RABGAP1L: variants seen among roughly 807,000 people sequenced by gnomAD.
RABGAP1L encodes rab GTPase-activating protein 1-like.
Under a neutral mutation model 137.7 loss-of-function variants are expected in RABGAP1L, and 63 were observed. The observed-to-expected ratio is 0.46, with a 90% CI of 0.37 to 0.56. The LOEUF is 0.56. Ranked by LOEUF, RABGAP1L falls within the 20% of genes least tolerant of loss-of-function variation. The pLI, the probability that RABGAP1L is intolerant of heterozygous loss-of-function variation, is 0.00. For synonymous variants in RABGAP1L, 431 were observed against 433.7 expected, an observed-to-expected ratio of 0.99 and a Z score of 0.08; for missense variants, 1,095 against 1,244.0, an observed-to-expected ratio of 0.88 and a Z score of 1.80.
At chr1:174,295,533 C>T (rs1256060217) in intron 10 of RABGAP1L, among the ~76,000 whole-genome samples, 1 of 152,044 alleles carries the variant, frequency 6.6e-6, no homozygotes, top group Non-Finnish European at 1.5e-5. Flanking sequence ...CAGGTGGCCA[C>T]CACCAGGCCT....
At chr1:174,410,577 GTTCT>G (rs553213517) in intron 13 of RABGAP1L, among the ~76,000 whole-genome samples, 32 of 151,968 alleles carry the variant, frequency 2.1e-4, no homozygotes, top group Non-Finnish European at 4.0e-4. Context: ...TTATTTCTGC[GTTCT>G]TTATTTTGTT....
chr1:174,531,031 G>A (rs1664357852), intron 13 of RABGAP1L, among the ~76,000 whole-genome samples: 1 of 152,132 alleles, frequency 6.6e-6, no homozygotes, highest in African/African-American at 2.4e-5. Context: ...AAAAAGAACA[G>A]ACTTGCTACA....
intron 13 of RABGAP1L, among the ~76,000 whole-genome samples, chr1:174,484,947 T>C (rs1659481274): frequency 6.6e-6 from 1 of 152,210 alleles, no homozygotes; most frequent in Admixed American, 6.5e-5. Flanking sequence ...TTGTGTAATA[T>C]GGACATTTTA....
At chr1:174,892,664 G>A (rs1656377595) in intron 19 of RABGAP1L, 1 of 535,024 alleles carries the variant, frequency 1.9e-6, no homozygotes, top group Non-Finnish European at 3.7e-6. Flanking sequence ...TCCACTTTGG[G>A]ATGGTCCATC....
chr1:174,610,829 GT>G (rs1220616689), intron 13 of RABGAP1L, among the ~76,000 whole-genome samples: 2 of 152,120 alleles, frequency 1.3e-5, no homozygotes, highest in African/African-American at 4.8e-5. Flanking sequence ...TTTTTCATGT[GT>G]TTTTTGGCTG....
chr1:174,946,950 G>A lies in RABGAP1L; in HGVS notation c.2341-10507G>A, dbSNP rs1295498112. Reference sequence around the variant, plus strand: ...TATATATATATATATATGTGTGTGTGTGTGTGTGTGTGTGTGTGTGTGTGT... The same window carrying A: ...TATATATATATATATATGTGTGTGTATGTGTGTGTGTGTGTGTGTGTGTGT... On this transcript the variant is annotated intron_variant, in intron 19 of 25. Coordinates refer to ENST00000681986, the MANE Select transcript of RABGAP1L (RefSeq NM_001366446.1). Among the ~76,000 whole-genome samples the A allele has an allele frequency of 8.9e-4, 95 of 106,774 alleles. 1 individual carries two copies. Among genetic ancestry groups the A allele is most frequent in the Middle Eastern group, 4.4e-3 (1 of 226 alleles). The allele number at this position is 106,774 out of a possible 152,430, so 70.0% of individuals were successfully genotyped here. A position where few individuals can be genotyped will look rare whatever the true frequency, so the allele number is the denominator to read the frequency against.
intron 18 of RABGAP1L, among the ~76,000 whole-genome samples, chr1:174,809,458 C>G (rs943908872): frequency 2.0e-5 from 3 of 152,178 alleles, no homozygotes; most frequent in African/African-American, 7.2e-5. Context: ...ATTCCTCATT[C>G]TTGATACCAA....
At chr1:174,709,965 C>A (rs1206396154) in intron 17 of RABGAP1L, among the ~76,000 whole-genome samples, 1 of 152,156 alleles carries the variant, frequency 6.6e-6, no homozygotes, top group Non-Finnish European at 1.5e-5. Context: ...TAGAGAAGAA[C>A]ATAAATGACC....
At chr1:174,859,139 A>G (rs1333580381) in intron 19 of RABGAP1L, among the ~76,000 whole-genome samples, 1 of 152,240 alleles carries the variant, frequency 6.6e-6, no homozygotes, top group East Asian at 1.9e-4. Flanking sequence ...TATTCACAAT[A>G]GCAAAGACAT....
chr1:174,349,585 C>A, intron 11 of RABGAP1L, among the ~76,000 whole-genome samples: 1 of 137,678 alleles, frequency 7.3e-6, no homozygotes. Flanking sequence ...GGCAGGGGGG[C>A]TGACCCCCCC....
chr1:174,585,577 C>G (rs945293083), intron 13 of RABGAP1L, among the ~76,000 whole-genome samples: 1 of 152,200 alleles, frequency 6.6e-6, no homozygotes, highest in Non-Finnish European at 1.5e-5. Context: ...ACATTTTTCC[C>G]ATTATGAGTA....
At position 174,994,890 on chromosome 1, in the gene RABGAP1L, C is replaced by CCA. The variant is rs1371785071; in HGVS notation, c.*4890_*4891dup. 6.6e-6 allele frequency: 1 copy of CCA among 152,156 alleles called. No individual in the cohort carries two copies. The highest frequency in any genetic ancestry group is 6.5e-5 in the Admixed American group (1 of 15,280). 9.4% of individuals were successfully genotyped at this position (152,156 alleles called of 1,614,324 possible). ...ATTTTTATGAATTCCATTATTTTGT[C>CCA]CATGGCATCTCTAATGAAAACAGGT... On this transcript the variant is annotated 3_prime_UTR_variant, in exon 26 of 26. Transcript: ENST00000681986.
chr1:174,540,107 G>A (rs1360724630), intron 13 of RABGAP1L, among the ~76,000 whole-genome samples: 1 of 152,094 alleles, frequency 6.6e-6, no homozygotes, highest in Non-Finnish European at 1.5e-5. Context: ...AGAAGTGTCT[G>A]TTCATATCCT....
intron 13 of RABGAP1L, among the ~76,000 whole-genome samples, chr1:174,434,511 ATTTTCT>A (rs1431489718): frequency 6.6e-6 from 1 of 152,038 alleles, no homozygotes; most frequent in African/African-American, 2.4e-5. Flanking sequence ...GATAGGGTAG[ATTTTCT>A]TTTAATGTCA....
chr1:174,876,766 A>G (rs554944376), intron 19 of RABGAP1L, among the ~76,000 whole-genome samples: 1 of 152,308 alleles, frequency 6.6e-6, no homozygotes, highest in South Asian at 2.1e-4. Context: ...ACACAAAACT[A>G]TGCTTAAAAT....
At chr1:174,937,267 C>CTG (rs1664991601) in intron 19 of RABGAP1L, among the ~76,000 whole-genome samples, 2 of 149,400 alleles carry the variant, frequency 1.3e-5, no homozygotes, top group African/African-American at 2.5e-5. Flanking sequence ...GCGTGAGCTA[C>CTG]CAAGCCCAGC....
chr1:174,901,853 GT>G (rs892438618), intron 19 of RABGAP1L, among the ~76,000 whole-genome samples: 3 of 152,124 alleles, frequency 2.0e-5, no homozygotes, highest in African/African-American at 7.2e-5. Context: ...TTTGAGTGAG[GT>G]TTTTGTGGGG....
intron 19 of RABGAP1L, among the ~76,000 whole-genome samples, chr1:174,814,935 G>A (rs918838471): frequency 2.6e-5 from 4 of 152,086 alleles, no homozygotes; most frequent in Admixed American, 6.6e-5. Context: ...TAATCCGTCC[G>A]TCTCAGCTTC....
intron 18 of RABGAP1L, among the ~76,000 whole-genome samples, chr1:174,755,745 T>C (rs1310867574): frequency 1.3e-5 from 2 of 151,798 alleles, no homozygotes; most frequent in African/African-American, 4.8e-5. Flanking sequence ...GAGTTTGAGA[T>C]AAGATGGGAA....
Sources: gnomAD v4.1 joint callset for allele counts (sites outside exome capture counted in the v4.1 genomes callset) on GRCh38, gnomAD v4.1.1 for gene constraint, MANE v1.5 for transcripts, NCBI Gene and HGNC (gene_info 2026-07-23, HGNC 2026-07-21) for gene names.